Variants in GATA3 observed in about 807,000 individuals in gnomAD.
The protein encoded by GATA3 is trans-acting T-cell-specific transcription factor GATA-3.
Under a neutral mutation model 36.0 loss-of-function variants are expected in GATA3, and 6 were observed. The observed-to-expected ratio is 0.17, with a 90% CI of 0.09 to 0.33. GATA3 has a LOEUF of 0.33. Ranked by LOEUF, GATA3 falls within the 10% of genes least tolerant of loss-of-function variation. The pLI, the probability that GATA3 is intolerant of heterozygous loss-of-function variation, is 1.00. For synonymous variants in GATA3, 326 were observed against 273.0 expected (o/e 1.19, Z -1.92); for missense variants, 514 against 610.1 (o/e 0.84, Z 1.66).
chr10:8,045,454 A>T (rs996091988), exon 1 of GATA3: 4 of 152,360 alleles, frequency 2.6e-5, no homozygotes, highest in African/African-American at 9.7e-5. Context: ...CTGCCTTCAG[A>T]TCTCCGGGCG....
chr10:8,056,255 C>A (rs1832636573), intron 2 of GATA3, among the ~76,000 whole-genome samples: 1 of 152,134 alleles, frequency 6.6e-6, no homozygotes, highest in African/African-American at 2.4e-5. Context: ...CTCCGCGGGT[C>A]CGGGCTCTCT....
chr10:8,059,491 G>A (rs527403983), intron 3 of GATA3, among the ~76,000 whole-genome samples: 6 of 152,324 alleles, frequency 3.9e-5, no homozygotes, highest in Admixed American at 2.0e-4. Context: ...ATGTCGCCTG[G>A]CCCAGTTAGT....
intron 1 of GATA3, among the ~76,000 whole-genome samples, chr10:8,045,999 A>T (rs570558592): frequency 5.8e-4 from 88 of 152,322 alleles, no homozygotes; most frequent in African/African-American, 2.0e-3. Flanking sequence ...CTGCTCTGTA[A>T]GATAAAGTTG....
At chr10:8,056,940 G>T (rs1832649800) in intron 2 of GATA3, among the ~76,000 whole-genome samples, 1 of 152,122 alleles carries the variant, frequency 6.6e-6, no homozygotes. Flanking sequence ...ACCGAATTCT[G>T]CCCTGATTCC....
At chr10:8,065,446 C>G (rs762353914) in intron 4 of GATA3, among the ~76,000 whole-genome samples, 2 of 151,674 alleles carry the variant, frequency 1.3e-5, no homozygotes, top group Non-Finnish European at 2.9e-5. Flanking sequence ...TCAGTAGAGA[C>G]AGGGTTTCGC....
At chr10:8,065,830 C>T (rs775089934) in intron 4 of GATA3, among the ~76,000 whole-genome samples, 4 of 121,658 alleles carry the variant, frequency 3.3e-5, no homozygotes, top group Middle Eastern at 6.3e-3. Flanking sequence ...ACCTAAACAC[C>T]AAGATGTTTG....
chr10:8,049,779 G>C (rs1038337507), upstream of GATA3, among the ~76,000 whole-genome samples: 1 of 152,294 alleles, frequency 6.6e-6, no homozygotes, highest in African/African-American at 2.4e-5. Context: ...AGGTGTGCGC[G>C]CTCCAATACC....
chr10:8,047,887 C>T (rs1345226182), intron 1 of GATA3, among the ~76,000 whole-genome samples: 5 of 152,122 alleles, frequency 3.3e-5, no homozygotes, highest in African/African-American at 1.2e-4. Context: ...CTCCTTTGCA[C>T]CTCTGAGTCG....
rs1362159216 is a variant in GATA3, at chr10:8,055,118, G to C, written c.-369-169G>C. ...AGTTGCTCAGCCAGCCCCGGCTCCC[G>C]CGAGCCGGGCTGCAGGGACGTCCCC... On this transcript the variant is annotated intron_variant, in intron 1 of 5. Coordinates refer to ENST00000379328, the MANE Select transcript of GATA3 (RefSeq NM_001002295.2). This position sits in a 1 kb window ranked among gnomAD's most constrained non-coding sequence, Gnocchi z 5.4. Among the ~76,000 whole-genome samples the C allele has an allele frequency of 1.3e-5, 2 of 151,888 alleles. No homozygotes were observed. Among genetic ancestry groups the C allele is most frequent in the African/African-American group, 4.8e-5 (2 of 41,394 alleles).
chr10:8,073,299 A>T (rs1174037472), intron 5 of GATA3, among the ~76,000 whole-genome samples: 1 of 152,154 alleles, frequency 6.6e-6, no homozygotes, highest in East Asian at 1.9e-4. Context: ...TCAGTAGAAC[A>T]GTACAGTCCT....
At chr10:8,066,837 AG>A (rs1272060315) in intron 4 of GATA3, among the ~76,000 whole-genome samples, 2 of 152,168 alleles carry the variant, frequency 1.3e-5, no homozygotes, top group Non-Finnish European at 2.9e-5. Context: ...TAAAGTTTGT[AG>A]TACTGGAAGC....
intron 4 of GATA3, among the ~76,000 whole-genome samples, 170 bp downstream of exon 4, chr10:8,064,308 C>CTTTTTTTTTTTTTTTTTTTTTTTTTT (rs1315616378): frequency 3.5e-5 from 4 of 114,134 alleles, no homozygotes; most frequent in Non-Finnish European, 6.9e-5. Context: ...TTTTCTTCTT[C>CTTTTTTTTTTTTTTTTTTTTTTTTTT]TTCTTTTTTT....
chr10:8,074,626 C>T lies in GATA3; in HGVS notation c.*603C>T, dbSNP rs1435430225. 2 of 233,926 alleles carry T rather than the reference C, an allele frequency of 8.5e-6. No individual in the cohort carries two copies. Among genetic ancestry groups the T allele is most frequent in the Non-Finnish European group, 1.7e-5 (2 of 118,230 alleles). 14.5% of individuals were successfully genotyped at this position (233,926 alleles called of 1,614,324 possible). ...TCTGGGCAATCAGTGTTACCGTTCACCAGTTGCCGTTGAGGGTTTCAGAGA... is the reference window on the plus strand; with the variant it reads ...TCTGGGCAATCAGTGTTACCGTTCATCAGTTGCCGTTGAGGGTTTCAGAGA... On this transcript the variant is annotated 3_prime_UTR_variant, in exon 6 of 6. Coordinates refer to ENST00000379328, the MANE Select transcript of GATA3 (RefSeq NM_001002295.2).
chr10:8,049,621 A>C (rs1487172594), upstream of GATA3, among the ~76,000 whole-genome samples: 2 of 151,852 alleles, frequency 1.3e-5, no homozygotes, highest in Non-Finnish European at 2.9e-5. Flanking sequence ...CCCCGGCATA[A>C]CCCTCCCGCC....
At chr10:8,070,107 C>T (rs886699271) in intron 5 of GATA3, among the ~76,000 whole-genome samples, 8 of 152,152 alleles carry the variant, frequency 5.3e-5, no homozygotes, top group African/African-American at 1.9e-4. Context: ...AATGGATCCT[C>T]TGTATAAAAG....
rs1330514119 is a variant in GATA3, at chr10:8,055,117, C to A, written c.-369-170C>A. On this transcript the variant is annotated intron_variant, in intron 1 of 5. Coordinates refer to ENST00000379328, the MANE Select transcript of GATA3 (RefSeq NM_001002295.2). This position sits in a 1 kb window ranked among gnomAD's most constrained non-coding sequence, Gnocchi z 5.4. ...AAGTTGCTCAGCCAGCCCCGGCTCC[C>A]GCGAGCCGGGCTGCAGGGACGTCCC... 6.6e-6 allele frequency among the ~76,000 whole-genome samples: 1 copy of A among 152,022 alleles called. No homozygotes were observed. The highest frequency in any genetic ancestry group is 1.5e-5 in the Non-Finnish European group (1 of 67,958).
chr10:8,058,471 C>T lies in GATA3; in HGVS notation c.408C>T (p.Ala136=), dbSNP rs1832683538. 32 of 1,612,744 alleles carry T rather than the reference C, an allele frequency of 2.0e-5. No homozygotes were observed. The highest frequency in any genetic ancestry group is 2.6e-5 in the Non-Finnish European group (31 of 1,179,848). The change falls in exon 3 of 6, where the codon GCC becomes GCT. Residue 136 remains alanine (A), a synonymous_variant. Transcript: ENST00000379328. ...SPGPLSVYPP[A]SSSSLSGGHA... The stretch of plus-strand genomic sequence containing the variant: ...GGCCCCTCTCCGTCTACCCCCCGGC[C>T]TCGTCCTCCTCCTTGTCGGGGGGCC...
At chr10:8,050,932 C>G (rs552591206), upstream of GATA3, 7 of 468,726 alleles carry the variant, frequency 1.5e-5, no homozygotes, top group African/African-American at 8.1e-5. Flanking sequence ...GCGCCCGGGG[C>G]CGCTTCTCCC....
At chr10:8,058,243 C>T (rs377483267) in intron 2 of GATA3, 62 bp from the exon 3 acceptor site, 151 of 1,557,356 alleles carry the variant, frequency 9.7e-5, no homozygotes, top group Middle Eastern at 5.3e-4. Flanking sequence ...GTGTCCCTGA[C>T]GGCCTCCCAG....
Sources: allele counts gnomAD v4.1 joint callset (sites outside exome capture counted in the v4.1 genomes callset), GRCh38; gene constraint gnomAD v4.1.1; non-coding constraint Gnocchi (gnomAD v3.1); transcripts MANE v1.5; gene names NCBI Gene and HGNC (gene_info 2026-07-23, HGNC 2026-07-21).